Variants in LRRC7 observed in about 807,000 individuals in gnomAD.
The protein encoded by LRRC7 is leucine rich repeat containing 7.
LRRC7 carries 23 observed loss-of-function variants against 175.7 expected under a neutral mutation model. The ratio of observed to expected loss-of-function variants is 0.13; its 90% CI spans 0.09 to 0.19. The LOEUF is 0.19. Ranked by LOEUF, LRRC7 falls within the 10% of genes least tolerant of loss-of-function variation. The probability of loss-of-function intolerance (pLI) is 1.00; values close to 1 mark genes in which losing one functional copy is unlikely to be tolerated. For synonymous variants in LRRC7, 685 were observed against 680.9 expected (o/e 1.01, Z -0.09); for missense variants, 1,354 against 1,904.7 (o/e 0.71, Z 5.38).
chr1:69,765,331 C>T (rs1411372220), intron 3 of LRRC7, among the ~76,000 whole-genome samples: 1 of 152,074 alleles, frequency 6.6e-6, no homozygotes, highest in Non-Finnish European at 1.5e-5. Flanking sequence ...GCAGTAAAAA[C>T]AAATCAGAAT....
intron 25 of LRRC7, among the ~76,000 whole-genome samples, chr1:70,094,321 C>T (rs186805837): frequency 1.3e-5 from 2 of 152,196 alleles, no homozygotes; most frequent in Admixed American, 1.3e-4. Context: ...CCAGAGAGCT[C>T]ATCCATATTT....
At chr1:70,098,185 T>C (rs1201421488) in intron 25 of LRRC7, among the ~76,000 whole-genome samples, 1 of 152,108 alleles carries the variant, frequency 6.6e-6, no homozygotes, top group African/African-American at 2.4e-5. Context: ...CTCATGGTGG[T>C]TTTGATTTGC....
At chr1:70,009,239 G>A (rs1656262311) in intron 11 of LRRC7, among the ~76,000 whole-genome samples, 2 of 151,732 alleles carry the variant, frequency 1.3e-5, no homozygotes, top group Admixed American at 1.3e-4. Flanking sequence ...TCCTTGCTGA[G>A]TACACGACCC....
intron 25 of LRRC7, among the ~76,000 whole-genome samples, chr1:70,096,989 C>T (rs1664452376): frequency 6.6e-6 from 1 of 152,206 alleles, no homozygotes; most frequent in Non-Finnish European, 1.5e-5. Flanking sequence ...TAATTATCCT[C>T]CTTTAAATAC....
chr1:69,850,666 G>A (rs1682874877), intron 7 of LRRC7, among the ~76,000 whole-genome samples: 1 of 152,012 alleles, frequency 6.6e-6, no homozygotes, highest in African/African-American at 2.4e-5. Flanking sequence ...AGAAAAAGTA[G>A]GAACCAAGGC....
intron 1 of LRRC7, among the ~76,000 whole-genome samples, chr1:69,633,826 C>T (rs896964476): frequency 6.6e-6 from 1 of 152,078 alleles, no homozygotes; most frequent in African/African-American, 2.4e-5. Context: ...TAGCAGACCC[C>T]TCACCCTGGC....
intron 2 of LRRC7, among the ~76,000 whole-genome samples, chr1:69,688,017 C>G (rs186661200): frequency 6.6e-6 from 1 of 152,280 alleles, no homozygotes; most frequent in Non-Finnish European, 1.5e-5. Flanking sequence ...GTTACTTTTG[C>G]TGTGACTGTT....
intron 5 of LRRC7, among the ~76,000 whole-genome samples, chr1:69,833,973 A>C (rs1680831146): frequency 6.6e-6 from 1 of 152,188 alleles, no homozygotes; most frequent in Non-Finnish European, 1.5e-5. Context: ...AATCTGGACT[A>C]GACTATACAT....
At chr1:70,018,654 C>A in intron 14 of LRRC7, 65 bp from the exon 15 acceptor site, 1 of 1,083,892 alleles carries the variant, frequency 9.2e-7, no homozygotes, top group Non-Finnish European at 1.4e-6. Context: ...CTGAGTGAGA[C>A]CAGACTATTG....
chr1:70,041,307 A>AT (rs1050751960), intron 21 of LRRC7, among the ~76,000 whole-genome samples: 2 of 152,150 alleles, frequency 1.3e-5, no homozygotes, highest in African/African-American at 2.4e-5. Context: ...CAAGAAAACA[A>AT]TTTTTTTTAG....
At chr1:69,706,527 A>G (rs1430159498) in intron 2 of LRRC7, among the ~76,000 whole-genome samples, 1 of 152,164 alleles carries the variant, frequency 6.6e-6, no homozygotes, top group Non-Finnish European at 1.5e-5. Flanking sequence ...CCTGCAAGTC[A>G]TTTTCACACA....
intron 8 of LRRC7, among the ~76,000 whole-genome samples, chr1:69,970,034 G>A (rs1394186163): frequency 6.6e-6 from 1 of 152,082 alleles, no homozygotes; most frequent in Non-Finnish European, 1.5e-5. Flanking sequence ...AATGATCATT[G>A]GGTCAAAAAC....
chr1:69,696,943 C>T (rs1166962051), intron 2 of LRRC7, among the ~76,000 whole-genome samples: 1 of 152,148 alleles, frequency 6.6e-6, no homozygotes, highest in East Asian at 1.9e-4. Flanking sequence ...TTCAGGTATT[C>T]CTTTATATGA....
intron 1 of LRRC7, among the ~76,000 whole-genome samples, chr1:69,677,155 T>G (rs1381991455): frequency 6.8e-6 from 1 of 147,740 alleles, no homozygotes; most frequent in African/African-American, 2.5e-5. Flanking sequence ...ATACATGGTG[T>G]GTGTAGATAT....
At chr1:69,928,260 G>A (rs1428122501) in intron 7 of LRRC7, among the ~76,000 whole-genome samples, 2 of 152,162 alleles carry the variant, frequency 1.3e-5, no homozygotes, top group African/African-American at 2.4e-5. Flanking sequence ...CAGGAGTCAG[G>A]GACCCACTTG....
chr1:70,059,065 C>T (rs1365483901), intron 23 of LRRC7, among the ~76,000 whole-genome samples: 1 of 152,168 alleles, frequency 6.6e-6, no homozygotes, highest in Non-Finnish European at 1.5e-5. Flanking sequence ...AAACACTTCG[C>T]TTCTGGAATG....
chr1:69,723,789 G>A (rs764642407), intron 2 of LRRC7, among the ~76,000 whole-genome samples: 1 of 152,094 alleles, frequency 6.6e-6, no homozygotes, highest in Non-Finnish European at 1.5e-5. Flanking sequence ...TTCATCGGCA[G>A]CTGTGCTCTC....
intron 23 of LRRC7, among the ~76,000 whole-genome samples, chr1:70,056,244 T>C (rs1410328050): frequency 1.3e-5 from 2 of 152,078 alleles, no homozygotes; most frequent in Non-Finnish European, 2.9e-5. Flanking sequence ...CAGAACTCCA[T>C]GGAACAGAAC....
In LRRC7 at chr1:70,118,311, A is replaced by C. The variant is rs1041608494; in HGVS notation, c.4621-3469A>C. Among the ~76,000 whole-genome samples the C allele has an allele frequency of 1.8e-4, 28 of 152,038 alleles. 2 individuals carry two copies. Among genetic ancestry groups the C allele is most frequent in the Admixed American group, 1.5e-3 (23 of 15,254 alleles). On this transcript the variant is annotated intron_variant, in intron 26 of 26. Transcript: ENST00000651989. ...CTAAGAAAGAGTAAGTTTCTTTGGA[A>C]CTGAGATTTATTCTATTATCTCCTT...
Sources: allele counts gnomAD v4.1 joint callset (sites outside exome capture counted in the v4.1 genomes callset), GRCh38; gene constraint gnomAD v4.1.1; transcripts MANE v1.5; gene names NCBI Gene and HGNC (gene_info 2026-07-23, HGNC 2026-07-21).